The following LPP variants were observed in gnomAD, a reference collection of about 807,000 sequenced individuals.
LPP encodes the protein LIM domain containing preferred translocation partner in lipoma.
LPP carries 38 observed loss-of-function variants against 60.4 expected under a neutral mutation model. That is an observed-to-expected ratio of 0.63 (90% confidence interval 0.49 to 0.83). LPP has a LOEUF of 0.83. Among genes scored for constraint, LPP ranks in the 40% least tolerant of loss-of-function variants. The pLI is 0.00. For missense variants in LPP, 902 were observed against 783.6 expected (o/e 1.15, Z -1.80); for synonymous variants, 328 against 290.8 (o/e 1.13, Z -1.30).
At chr3:188,494,934 G>C (rs1183866366) in intron 5 of LPP, among the ~76,000 whole-genome samples, 1 of 150,624 alleles carries the variant, frequency 6.6e-6, no homozygotes, top group East Asian at 2.0e-4. Context: ...TATTTTCACT[G>C]TTGTGATATT....
intron 9 of LPP, among the ~76,000 whole-genome samples, chr3:188,786,430 G>A (rs1741955272): frequency 6.9e-6 from 1 of 145,458 alleles, no homozygotes; most frequent in Non-Finnish European, 1.5e-5. Context: ...CAGTGCAGAA[G>A]AGGATGTGGA....
At chr3:188,244,162 C>T (rs1035757416) in intron 2 of LPP, among the ~76,000 whole-genome samples, 19 of 152,206 alleles carry the variant, frequency 1.2e-4, no homozygotes, top group South Asian at 4.1e-4. Flanking sequence ...TGAGCCACTG[C>T]GCCCAGCGCA....
rs187866237 is a variant in LPP, at chr3:188,879,663, A to C, written c.*5184A>C. On this transcript the variant is annotated 3_prime_UTR_variant, in exon 12 of 12. Transcript: ENST00000617246. ...TTAAGTCTGAAGCAATGTAACCCCA[A>C]AAAATTATAATTTTAATGATGGCAT... The C allele has an allele frequency of 4.9e-5, 9 of 183,150 alleles. No individual in the cohort carries two copies. The highest frequency in any genetic ancestry group is 9.3e-5 in the Non-Finnish European group (8 of 85,942). 11.3% of individuals were successfully genotyped at this position (183,150 alleles called of 1,614,324 possible).
At position 188,765,964 on chromosome 3, in the gene LPP, G is replaced by A. The variant is rs142013250; in HGVS notation, c.1410+5682G>A. Among the ~76,000 whole-genome samples the A allele has an allele frequency of 1.2e-3, 157 of 136,480 alleles. 1 individual carries two copies. Among genetic ancestry groups the A allele is most frequent in the African/African-American group, 3.3e-3 (121 of 36,226 alleles). The allele number at this position is 136,480 out of a possible 152,430, so 89.5% of individuals were successfully genotyped here. On this transcript the variant is annotated intron_variant, in intron 9 of 11. Coordinates refer to ENST00000617246, the MANE Select transcript of LPP (RefSeq NM_001375462.1). ...TGGCTCACTGCAATCTCCACCTCCC[G>A]GATTCAAGCAATTCTCCTGCCTTAG... is the stretch of plus-strand genomic sequence containing the variant.
intron 3 of LPP, among the ~76,000 whole-genome samples, chr3:188,356,025 A>G (rs992865553): frequency 2.0e-5 from 3 of 152,226 alleles, no homozygotes; most frequent in Admixed American, 6.5e-5. Flanking sequence ...AGTAGCTTAA[A>G]AAATTTCTGT....
At chr3:188,622,892 G>A (rs1181067709) in intron 7 of LPP, among the ~76,000 whole-genome samples, 1 of 151,916 alleles carries the variant, frequency 6.6e-6, no homozygotes, top group Non-Finnish European at 1.5e-5. Flanking sequence ...GCCAGGCGTG[G>A]TGGCGCATGC....
At chr3:188,453,795 T>G (rs1448531381) in intron 4 of LPP, among the ~76,000 whole-genome samples, 1 of 152,114 alleles carries the variant, frequency 6.6e-6, no homozygotes, top group Non-Finnish European at 1.5e-5. Flanking sequence ...ATTTTGTGGG[T>G]ACTTCTGTTA....
intron 5 of LPP, among the ~76,000 whole-genome samples, chr3:188,490,113 T>A (rs901271164): frequency 1.3e-5 from 2 of 152,188 alleles, no homozygotes; most frequent in Non-Finnish European, 2.9e-5. Flanking sequence ...TTGGTTTTCT[T>A]TCCCCTTTTA....
At chr3:188,331,999 A>G (rs1421820884) in intron 2 of LPP, among the ~76,000 whole-genome samples, 1 of 152,176 alleles carries the variant, frequency 6.6e-6, no homozygotes. Flanking sequence ...TTATCTATCC[A>G]ACAACTCCTT....
intron 3 of LPP, among the ~76,000 whole-genome samples, chr3:188,372,629 A>G (rs1773615188): frequency 6.6e-6 from 1 of 151,036 alleles, no homozygotes; most frequent in Non-Finnish European, 1.5e-5. Context: ...AGTGCATTCA[A>G]GTTTCTGGGA....
At chr3:188,269,737 G>A (rs954982560) in intron 2 of LPP, among the ~76,000 whole-genome samples, 1 of 149,756 alleles carries the variant, frequency 6.7e-6, no homozygotes, top group African/African-American at 2.5e-5. Context: ...TGCAACCTCC[G>A]CCTCCTGGGT....
chr3:188,573,681 C>T (rs1833993663), intron 6 of LPP, among the ~76,000 whole-genome samples: 1 of 152,116 alleles, frequency 6.6e-6, no homozygotes, highest in Non-Finnish European at 1.5e-5. Context: ...CTTAATTTCA[C>T]TTTGCAAGTT....
chr3:188,824,654 C>A (rs1375346929), intron 9 of LPP, among the ~76,000 whole-genome samples: 1 of 152,086 alleles, frequency 6.6e-6, no homozygotes, highest in East Asian at 1.9e-4. Flanking sequence ...AAATTGTGAA[C>A]CTGGGATGCG....
At chr3:188,760,018 C>A in intron 8 of LPP, 95 bp from the exon 9 acceptor site, 1 of 1,038,396 alleles carries the variant, frequency 9.6e-7, no homozygotes, top group Non-Finnish European at 1.4e-6. Context: ...GGTTCTATTG[C>A]TGCTGACGTT....
intron 8 of LPP, among the ~76,000 whole-genome samples, chr3:188,714,587 T>G (rs975661103): frequency 7.6e-6 from 1 of 132,382 alleles, no homozygotes; most frequent in Non-Finnish European, 1.8e-5. Context: ...CTCAGCTGGG[T>G]TTTTTTTTAA....
intron 6 of LPP, among the ~76,000 whole-genome samples, chr3:188,550,398 G>A (rs1385890038): frequency 2.0e-5 from 3 of 151,886 alleles, no homozygotes; most frequent in Admixed American, 1.3e-4. Context: ...CTAACATGGT[G>A]AAACCCCGTC....
intron 3 of LPP, among the ~76,000 whole-genome samples, chr3:188,355,118 C>G (rs1767185120): frequency 6.6e-6 from 1 of 152,136 alleles, no homozygotes; most frequent in African/African-American, 2.4e-5. Context: ...AAGCGATTCT[C>G]CTGCCTCAGC....
intron 2 of LPP, among the ~76,000 whole-genome samples, chr3:188,252,077 C>CAT (rs1729953046): frequency 2.8e-5 from 2 of 71,464 alleles, no homozygotes; most frequent in Non-Finnish European, 5.8e-5. Flanking sequence ...TATATATATA[C>CAT]ACACACACAC....
At chr3:188,496,187 A>G (rs1046934313) in intron 5 of LPP, among the ~76,000 whole-genome samples, 3 of 151,766 alleles carry the variant, frequency 2.0e-5, no homozygotes, top group Non-Finnish European at 4.4e-5. Context: ...GTGCAGTGGC[A>G]TGATCTCCAC....
Sources: allele counts gnomAD v4.1 joint callset (sites outside exome capture counted in the v4.1 genomes callset), GRCh38; gene constraint gnomAD v4.1.1; transcripts MANE v1.5; gene names NCBI Gene and HGNC (gene_info 2026-07-23, HGNC 2026-07-21).